CHRAC1: variants seen among roughly 807,000 people sequenced by gnomAD.
CHRAC1 encodes the protein chromatin accessibility complex protein 1.
In CHRAC1, 6 loss-of-function variants were observed where a neutral mutation model predicts 9.1. The ratio of observed to expected loss-of-function variants is 0.66; its 90% CI spans 0.36 to 1.29. The LOEUF (loss-of-function observed/expected upper bound fraction) is 1.29. Ranked by LOEUF, CHRAC1 falls within the 50% of genes most tolerant of loss-of-function variation. The probability of loss-of-function intolerance (pLI) is 0.03; values close to 1 mark genes in which losing one functional copy is unlikely to be tolerated. For synonymous variants in CHRAC1, 73 were observed against 64.5 expected, an observed-to-expected ratio of 1.13 and a Z score of -0.63; for missense variants, 168 against 163.5, an observed-to-expected ratio of 1.03 and a Z score of -0.15.
At chr8:140,513,025 C>A (rs2072296435) in intron 1 of CHRAC1, among the ~76,000 whole-genome samples, 1 of 152,164 alleles carries the variant, frequency 6.6e-6, no homozygotes, top group Non-Finnish European at 1.5e-5. Flanking sequence ...ACCATGTTGC[C>A]CAAGTTGGTC....
chr8:140,511,534 G>C lies in CHRAC1; in HGVS notation c.35G>C (p.Gly12Ala). The C allele has an allele frequency of 7.1e-7, 1 of 1,410,584 alleles. No individual in the cohort carries two copies. Among genetic ancestry groups the C allele is most frequent in the Non-Finnish European group, 9.3e-7 (1 of 1,074,112 alleles). 87.4% of individuals were successfully genotyped at this position (1,410,584 alleles called of 1,614,324 possible). The change falls in exon 1 of 3, where the codon GGG becomes GCG. Residue 12 changes from glycine to alanine, a missense_variant. Transcript: ENST00000220913. Reference protein sequence around the residue: ...ADVVVGKDKGGEQRLISLPLS... With the variant: ...ADVVVGKDKGAEQRLISLPLS... ...GTGGTCGTGGGTAAAGACAAGGGCG[G>C]GGAGCAGCGGCTCATCTCGCTGCCT...
chr8:140,514,648 T>C (rs1341346815), intron 2 of CHRAC1, 153 bp downstream of exon 2: 2 of 554,992 alleles, frequency 3.6e-6, no homozygotes, highest in Admixed American at 7.9e-5. Flanking sequence ...AGGAAGATAC[T>C]TTTAGTCTTC....
At chr8:140,512,499 A>G (rs1241851988) in intron 1 of CHRAC1, among the ~76,000 whole-genome samples, 1 of 152,218 alleles carries the variant, frequency 6.6e-6, no homozygotes, top group African/African-American at 2.4e-5. Flanking sequence ...TTTTAAAAAA[A>G]TTGCGTCTCG....
In CHRAC1 at chr8:140,515,451, C is replaced by G. The variant is rs1477217223; in HGVS notation, c.*204C>G. ...CACAGACAGCCAGAGGGAAAGCGACCCAGACAGCAGCCCCTCCTCGACAGG... is the reference window on the plus strand; with the variant it reads ...CACAGACAGCCAGAGGGAAAGCGACGCAGACAGCAGCCCCTCCTCGACAGG... On this transcript the variant is annotated 3_prime_UTR_variant, in exon 3 of 3. Coordinates refer to ENST00000220913, the MANE Select transcript of CHRAC1 (RefSeq NM_017444.6). 4.8e-6 allele frequency: 2 copies of G among 415,164 alleles called. No homozygotes were observed. Among genetic ancestry groups the G allele is most frequent in the Admixed American group, 4.2e-5 (1 of 23,746 alleles). 25.7% of individuals were successfully genotyped at this position (415,164 alleles called of 1,614,324 possible).
Position 140,511,518 on chromosome 8 carries a change from G to T in CHRAC1, c.19G>T (p.Gly7Cys), listed in dbSNP as rs917920602. The T allele has an allele frequency of 3.3e-5, 45 of 1,366,260 alleles. No individual in the cohort carries two copies. Among genetic ancestry groups the T allele is most frequent in the Non-Finnish European group, 3.9e-5 (41 of 1,051,790 alleles). The allele number at this position is 1,366,260 out of a possible 1,614,324, so 84.6% of individuals were successfully genotyped here. ...CGGGAAGATGGCGGACGTGGTCGTG[G>T]GTAAAGACAAGGGCGGGGAGCAGCG... is the stretch of plus-strand genomic sequence containing the variant. MADVVV[G>C]KDKGGEQRLI... Residue 7 changes from glycine to cysteine, a missense_variant, in exon 1 of 3, where the codon GGT becomes TGT. Gly to Cys is a radical substitution (Grantham distance 159). Coordinates refer to ENST00000220913, the MANE Select transcript of CHRAC1 (RefSeq NM_017444.6).
Position 140,511,635 on chromosome 8 carries a change from G to T in CHRAC1, c.136G>T (p.Ala46Ser). 7.0e-7 allele frequency: 1 copy of T among 1,428,204 alleles called. No homozygotes were observed. Among genetic ancestry groups the T allele is most frequent in the Non-Finnish European group, 9.2e-7 (1 of 1,084,086 alleles). 88.5% of individuals were successfully genotyped at this position (1,428,204 alleles called of 1,614,324 possible). The change falls in exon 1 of 3, where the codon GCC becomes TCC. Residue 46 changes from alanine (A) to serine (S), a missense_variant. Coordinates refer to ENST00000220913, the MANE Select transcript of CHRAC1 (RefSeq NM_017444.6). ...SINQEALVLT[A>S]KATELFVQCL... is the part of the protein sequence containing the mutation. ...CAACCAGGAGGCGTTGGTGCTCACG[G>T]CCAAGGCCACGGTGAGGGGGCAGGG...
chr8:140,516,306 C>A lies in CHRAC1; in HGVS notation c.*1059C>A, dbSNP rs1364033202. The A allele has an allele frequency of 1.3e-5, 2 of 152,120 alleles. No individual in the cohort carries two copies. The highest frequency in any genetic ancestry group is 2.9e-5 in the Non-Finnish European group (2 of 68,032). The allele number at this position is 152,120 out of a possible 1,614,324, so 9.4% of individuals were successfully genotyped here. On this transcript the variant is annotated 3_prime_UTR_variant, in exon 3 of 3. Transcript: ENST00000220913. ...GGGATTACAGGCGTGTGCCACCATG[C>A]CCAACCTATTTTTGTATTTTTTAGT...
intron 1 of CHRAC1, among the ~76,000 whole-genome samples, chr8:140,512,362 C>G (rs902552332): frequency 4.3e-4 from 66 of 152,374 alleles, no homozygotes; most frequent in African/African-American, 1.6e-3. Context: ...CTCCCGCCCG[C>G]CACAGCTGGG....
At position 140,515,288 on chromosome 8, in the gene CHRAC1, T is replaced by C. The variant is rs2231525; in HGVS notation, c.*41T>C. 5.6e-4 allele frequency: 888 copies of C among 1,599,938 alleles called. 8 individuals carry two copies. The African/African-American group carries it at 0.011, about 19-fold the overall frequency. On this transcript the variant is annotated 3_prime_UTR_variant, in exon 3 of 3. Coordinates refer to ENST00000220913, the MANE Select transcript of CHRAC1 (RefSeq NM_017444.6). ...AAAACCAGCCTGGCGAGGACAGCCC[T>C]GGACCCACTCCACTGTCTCTAAGTA... is the stretch of plus-strand genomic sequence containing the variant.
intron 1 of CHRAC1, among the ~76,000 whole-genome samples, chr8:140,512,775 A>G (rs934238517): frequency 6.6e-6 from 1 of 152,228 alleles, no homozygotes; most frequent in Non-Finnish European, 1.5e-5. Context: ...ATTTTCCTAT[A>G]CAATTTCATT....
intron 1 of CHRAC1, among the ~76,000 whole-genome samples, chr8:140,513,579 C>G (rs1244562639): frequency 6.6e-6 from 1 of 151,988 alleles, no homozygotes; most frequent in African/African-American, 2.4e-5. Flanking sequence ...GGGACTACAG[C>G]CGCCACCATG....
rs2072313008 is a variant in CHRAC1 at position 140,514,410 on chromosome 8, C to G, written c.189C>G (p.His63Gln). ...VQCLATYSYRHGSGKEKKVLT... is the reference protein window; with the variant it reads ...VQCLATYSYRQGSGKEKKVLT... ...GCCTAGCCACCTATTCCTACAGACACGGCAGTGGAAAGGAAAAGAAAGTAC... is the reference window on the plus strand; with the variant it reads ...GCCTAGCCACCTATTCCTACAGACAGGGCAGTGGAAAGGAAAAGAAAGTAC... The change falls in exon 2 of 3, where the codon CAC becomes CAG. Residue 63 changes from histidine to glutamine, a missense_variant. By Grantham distance (24) the His-to-Gln change is conservative (BLOSUM62 0). Coordinates refer to ENST00000220913, the MANE Select transcript of CHRAC1 (RefSeq NM_017444.6). The G allele has an allele frequency of 6.3e-7, 1 of 1,587,250 alleles. No individual in the cohort carries two copies. The highest frequency in any genetic ancestry group is 1.2e-5 in the South Asian group (1 of 85,366).
At position 140,514,378 on chromosome 8, in the gene CHRAC1, G is replaced by A; in HGVS notation, c.157G>A (p.Val53Ile). The A allele has an allele frequency of 6.3e-7, 1 of 1,583,780 alleles. No homozygotes were observed. The highest frequency in any genetic ancestry group is 8.5e-7 in the Non-Finnish European group (1 of 1,171,738). Residue 53 changes from valine to isoleucine, a missense_variant, in exon 2 of 3, where the codon GTT (valine) becomes ATT (isoleucine). Val to Ile is a conservative substitution (Grantham distance 29). Transcript: ENST00000220913. The stretch of plus-strand genomic sequence containing the variant: ...TTTCATTTTGTTCTAGGAGCTCTTT[G>A]TTCAATGCCTAGCCACCTATTCCTA... ...VLTAKATELF[V>I]QCLATYSYRH...
chr8:140,511,464 C>T lies in CHRAC1; in HGVS notation c.-36C>T. 2 of 1,309,658 alleles carry T rather than the reference C, an allele frequency of 1.5e-6. No individual in the cohort carries two copies. The allele number at this position is 1,309,658 out of a possible 1,614,324, so 81.1% of individuals were successfully genotyped here. A position where few individuals can be genotyped will look rare whatever the true frequency, so the allele number is the denominator to read the frequency against. ...CAGGGCAGCCACTTCGCGGTCGGGC[C>T]CGCCGGCTGCGGGCACCCGCGCGAC... is the stretch of plus-strand genomic sequence containing the variant. On this transcript the variant is annotated 5_prime_UTR_variant, in exon 1 of 3. Transcript: ENST00000220913.
intron 1 of CHRAC1, among the ~76,000 whole-genome samples, chr8:140,513,102 AC>A (rs1227041629): frequency 6.6e-6 from 1 of 152,010 alleles, no homozygotes; most frequent in Non-Finnish European, 1.5e-5. Flanking sequence ...ACAGGCGTGA[AC>A]CATCACGCCC....
At chr8:140,513,443 TC>T (rs1454705816) in intron 1 of CHRAC1, among the ~76,000 whole-genome samples, 1 of 150,086 alleles carries the variant, frequency 6.7e-6, no homozygotes, top group African/African-American at 2.4e-5. Context: ...TATTTTTTTT[TC>T]TTTTTTTTTG....
rs531059703 is a variant in CHRAC1, at chr8:140,516,957, T to G, written c.*1710T>G. On this transcript the variant is annotated 3_prime_UTR_variant, in exon 3 of 3. Transcript: ENST00000220913. ...TTGCTGCTGCTGAACTCAGCTGTTG[T>G]AGCACGAAAGCAGCCAGGTAATTAC... 1 of 152,344 alleles carries G rather than the reference T, an allele frequency of 6.6e-6. No homozygotes were observed. Among genetic ancestry groups the G allele is most frequent in the African/African-American group, 2.4e-5 (1 of 41,568 alleles). 9.4% of individuals were successfully genotyped at this position (152,344 alleles called of 1,614,324 possible). A position where few individuals can be genotyped will look rare whatever the true frequency, so the allele number is the denominator to read the frequency against.
At chr8:140,512,090 G>A (rs2072282722) in intron 1 of CHRAC1, 2 of 1,168,478 alleles carry the variant, frequency 1.7e-6, no homozygotes, top group South Asian at 2.6e-5. Flanking sequence ...GTCCTCCCTC[G>A]CGTGCGGCGC....
Position 140,513,913 on chromosome 8 carries a change from C to CTTTTTTTTTTTTT in CHRAC1, c.148-443_148-431dup, listed in dbSNP as rs57880666. On this transcript the variant is annotated intron_variant, in intron 1 of 2. Transcript: ENST00000220913. ...ATGTTTTTCTTTTCCCCAGTGATTTCTTTTTTTTTTTTTTTTTTTTTTTTT... is the reference window on the plus strand; with the variant it reads ...ATGTTTTTCTTTTCCCCAGTGATTTCTTTTTTTTTTTTTTTTTTTTTTTTTTTTTTTTTTTTTT... Among the ~76,000 whole-genome samples, 5 of 87,478 alleles carry CTTTTTTTTTTTTT rather than the reference C, an allele frequency of 5.7e-5. 1 individual carries two copies. Among genetic ancestry groups the CTTTTTTTTTTTTT allele is most frequent in the African/African-American group, 1.3e-4 (3 of 23,130 alleles). 57.4% of individuals were successfully genotyped at this position (87,478 alleles called of 152,430 possible).
Sources: allele counts gnomAD v4.1 joint callset (sites outside exome capture counted in the v4.1 genomes callset), GRCh38; gene constraint gnomAD v4.1.1; transcripts MANE v1.5; gene names NCBI Gene and HGNC (gene_info 2026-07-23, HGNC 2026-07-21).